The following SEMA3A variants were observed in gnomAD, a reference collection of about 807,000 sequenced individuals.
The protein encoded by SEMA3A is semaphorin 3A, also known as semaphorin-3A.
Under a neutral mutation model 97.9 loss-of-function variants are expected in SEMA3A, and 29 were observed. The ratio of observed to expected loss-of-function variants is 0.30; its 90% CI spans 0.22 to 0.40. The LOEUF (loss-of-function observed/expected upper bound fraction) is 0.40. SEMA3A is among the 10% of genes least tolerant of loss of function. SEMA3A has a pLI of 1.00. For missense variants in SEMA3A, 763 were observed against 951.3 expected (o/e 0.80, Z 2.60); for synonymous variants, 321 against 323.7 (o/e 0.99, Z 0.09).
intron 1 of SEMA3A, among the ~76,000 whole-genome samples, chr7:84,413,438 G>A (rs1440972757): frequency 1.3e-5 from 2 of 152,064 alleles, no homozygotes. Context: ...GACCAGCCGA[G>A]GAAACATGGC....
intron 3 of SEMA3A, among the ~76,000 whole-genome samples, chr7:84,281,220 C>A (rs893093912): frequency 7.2e-5 from 11 of 152,076 alleles, no homozygotes; most frequent in Admixed American, 3.9e-4. Flanking sequence ...GAAGATTCGG[C>A]CTCCTTACTC....
intron 4 of SEMA3A, among the ~76,000 whole-genome samples, chr7:84,102,183 G>A (rs1451402500): frequency 2.0e-5 from 3 of 152,142 alleles, no homozygotes; most frequent in Admixed American, 2.0e-4. Flanking sequence ...CCAATCAACT[G>A]TGTGAATTTG....
At chr7:84,225,613 A>G (rs1285862776) in intron 3 of SEMA3A, among the ~76,000 whole-genome samples, 5 of 152,074 alleles carry the variant, frequency 3.3e-5, no homozygotes, top group African/African-American at 1.2e-4. Flanking sequence ...AATATCTTAA[A>G]TCTTGTGCAA....
intron 1 of SEMA3A, among the ~76,000 whole-genome samples, chr7:84,447,317 A>C (rs1261770737): frequency 6.6e-6 from 1 of 152,170 alleles, no homozygotes; most frequent in Non-Finnish European, 1.5e-5. Context: ...CAGGAGGCAG[A>C]TAGGCTCCTG....
At chr7:84,159,453 C>T (rs1020109668) in intron 1 of SEMA3A, among the ~76,000 whole-genome samples, 2 of 151,994 alleles carry the variant, frequency 1.3e-5, no homozygotes, top group African/African-American at 4.8e-5. Flanking sequence ...CTGATCTTTA[C>T]AAATGTATTT....
At chr7:84,037,301 A>C (rs2116478188) in intron 6 of SEMA3A, among the ~76,000 whole-genome samples, 1 of 152,170 alleles carries the variant, frequency 6.6e-6, no homozygotes, top group Admixed American at 6.6e-5. Flanking sequence ...CTGTGATATC[A>C]AAGCCCTGGC....
At chr7:84,024,593 A>C (rs1167701470) in intron 6 of SEMA3A, among the ~76,000 whole-genome samples, 1 of 152,042 alleles carries the variant, frequency 6.6e-6, no homozygotes, top group Admixed American at 6.6e-5. Context: ...AAAAAAATCA[A>C]CTAGCCTCAG....
At chr7:84,433,013 A>G (rs1466242075) in intron 1 of SEMA3A, among the ~76,000 whole-genome samples, 1 of 152,006 alleles carries the variant, frequency 6.6e-6, no homozygotes, top group Admixed American at 6.6e-5. Context: ...ATTTCCTACC[A>G]CAGTGTATAA....
At chr7:84,049,234 TG>T (rs1357277495) in intron 5 of SEMA3A, among the ~76,000 whole-genome samples, 1 of 152,046 alleles carries the variant, frequency 6.6e-6, no homozygotes, top group African/African-American at 2.4e-5. Flanking sequence ...AAGAGTTAGA[TG>T]ATTTTATTGA....
chr7:83,961,926 C>A, intron 16 of SEMA3A, 100 bp from the exon 17 acceptor site: 3 of 797,106 alleles, frequency 3.8e-6, no homozygotes, highest in Non-Finnish European at 3.8e-6. Context: ...TGTGTTGAGG[C>A]ACATTTTAAC....
At position 83,977,028 on chromosome 7, in the gene SEMA3A, T is replaced by G. The variant is rs1789175734; in HGVS notation, c.1717+104A>C. The stretch of plus-strand genomic sequence containing the variant: ...TTACTTCTCTTCGGCTGCATTTCTT[T>G]AAGTATTCTGAGAGATGCATACATT... On this transcript the variant is annotated intron_variant, in intron 15 of 16. Transcript: ENST00000265362. 6 of 473,814 alleles carry G rather than the reference T, an allele frequency of 1.3e-5. No individual in the cohort carries two copies. In the Admixed American group the frequency reaches 1.7e-4, roughly 14 times the overall value. 29.4% of individuals were successfully genotyped at this position (473,814 alleles called of 1,614,324 possible). A position where few individuals can be genotyped will look rare whatever the true frequency, so the allele number is the denominator to read the frequency against.
At chr7:84,075,072 A>T (rs539194324) in intron 4 of SEMA3A, among the ~76,000 whole-genome samples, 8 of 152,266 alleles carry the variant, frequency 5.3e-5, no homozygotes, top group Admixed American at 3.3e-4. Context: ...CTAAAATAGA[A>T]GGAAAGATAA....
intron 1 of SEMA3A, among the ~76,000 whole-genome samples, chr7:84,136,909 A>G (rs1402034557): frequency 2.0e-5 from 3 of 150,940 alleles, no homozygotes; most frequent in African/African-American, 7.3e-5. Flanking sequence ...CCACACACAC[A>G]AAAAAAAGAA....
At chr7:83,971,444 A>C (rs1788909391) in intron 15 of SEMA3A, among the ~76,000 whole-genome samples, 2 of 152,126 alleles carry the variant, frequency 1.3e-5, no homozygotes, top group South Asian at 4.2e-4. Context: ...AAAAAAAAAA[A>C]AACCTAACAA....
intron 2 of SEMA3A, among the ~76,000 whole-genome samples, chr7:84,322,912 G>A (rs1295043720): frequency 6.6e-6 from 1 of 152,166 alleles, no homozygotes; most frequent in African/African-American, 2.4e-5. Flanking sequence ...AGAATAGCAT[G>A]GCAGGTATGT....
chr7:84,248,699 T>G (rs921199945), intron 3 of SEMA3A, among the ~76,000 whole-genome samples: 1 of 152,138 alleles, frequency 6.6e-6, no homozygotes, highest in Non-Finnish European at 1.5e-5. Flanking sequence ...GCATATCTCC[T>G]AAAACAACTC....
At position 84,091,218 on chromosome 7, in the gene SEMA3A, AAAAG is replaced by A. The variant is rs1428230147; in HGVS notation, c.453+19248_453+19251del. ...AAAGAAAGAAAGAAAGAAAGAAAAG[AAAAG>A]AAAGAAAAGAAAGAAGGAAGGAAGG... is the stretch of plus-strand genomic sequence containing the variant. On this transcript the variant is annotated intron_variant, in intron 4 of 16. Transcript: ENST00000265362. 1.3e-3 allele frequency among the ~76,000 whole-genome samples: 101 copies of A among 79,502 alleles called. 1 individual carries two copies. Among genetic ancestry groups the A allele is most frequent in the African/African-American group, 4.1e-3 (95 of 23,062 alleles). The allele number at this position is 79,502 out of a possible 152,430, so 52.2% of individuals were successfully genotyped here.
chr7:84,076,870 C>A (rs1212297663), intron 4 of SEMA3A, among the ~76,000 whole-genome samples: 1 of 151,966 alleles, frequency 6.6e-6, no homozygotes, highest in Admixed American at 6.6e-5. Context: ...CCTGGGTTCC[C>A]CCAAAAAACA....
intron 11 of SEMA3A, among the ~76,000 whole-genome samples, 197 bp downstream of exon 11, chr7:84,005,142 T>TTTATC (rs1790612774): frequency 6.6e-6 from 1 of 152,304 alleles, no homozygotes; most frequent in Middle Eastern, 3.4e-3. Context: ...TAATCAACTG[T>TTTATC]TTATCTTATA....
Sources: gnomAD v4.1 joint callset for allele counts (sites outside exome capture counted in the v4.1 genomes callset) on GRCh38, gnomAD v4.1.1 for gene constraint, MANE v1.5 for transcripts, NCBI Gene and HGNC (gene_info 2026-07-23, HGNC 2026-07-21) for gene names.